EGF: variants seen among roughly 807,000 people sequenced by gnomAD.
EGF encodes epidermal growth factor.
A neutral mutation model predicts 143.8 loss-of-function variants in EGF; 95 were observed. That is an observed-to-expected ratio of 0.66 (90% CI 0.56 to 0.78). The LOEUF (loss-of-function observed/expected upper bound fraction) is 0.78, where lower values mean the gene tolerates loss of function less well. Among genes scored for constraint, EGF ranks in the 30% least tolerant of loss-of-function variants. The pLI, the probability that EGF is intolerant of heterozygous loss-of-function variation, is 0.00. For synonymous variants in EGF, 510 were observed against 510.5 expected (o/e 1.00, Z 0.01); for missense variants, 1,320 against 1,470.9 (o/e 0.90, Z 1.68).
At chr4:109,926,038 T>C (rs1738581222) in intron 1 of EGF, among the ~76,000 whole-genome samples, 1 of 152,176 alleles carries the variant, frequency 6.6e-6, no homozygotes. Flanking sequence ...ATCTTTGTCT[T>C]ACATACTTCC....
intron 5 of EGF, among the ~76,000 whole-genome samples, chr4:109,950,671 T>C (rs1339114376): frequency 6.6e-6 from 1 of 152,170 alleles, no homozygotes; most frequent in Admixed American, 6.5e-5. Context: ...CAAAGATGAC[T>C]TTCCTTTCAT....
chr4:109,959,426 A>G lies in EGF; in HGVS notation c.1055A>G (p.Lys352Arg). The change falls in exon 6 of 24, where the codon AAG becomes AGG. Residue 352 changes from lysine (K) to arginine (R), a missense_variant. Around this residue, in one of 5 missense-constraint regions of EGF, gnomAD observed 1,186 missense variants for 1,313.7 expected, o/e 0.90. Coordinates refer to ENST00000265171, the MANE Select transcript of EGF (RefSeq NM_001963.6). ...AEGYALSRDR[K>R]YCEDVNECAF... ...GGATACGCCCTAAGTCGAGACCGGA[A>G]GTACTGTGAAGGTAATGACTGGAAG... is the stretch of plus-strand genomic sequence containing the variant. The G allele has an allele frequency of 6.2e-7, 1 of 1,613,860 alleles. No homozygotes were observed. Among genetic ancestry groups the G allele is most frequent in the Non-Finnish European group, 8.5e-7 (1 of 1,179,816 alleles).
chr4:109,975,177 T>C (rs188354610), intron 12 of EGF, among the ~76,000 whole-genome samples: 74 of 152,320 alleles, frequency 4.9e-4, no homozygotes, highest in African/African-American at 1.7e-3. Context: ...ATATAGGTCA[T>C]TCCTAGATTT....
At chr4:109,944,294 C>G (rs1009588344) in intron 4 of EGF, among the ~76,000 whole-genome samples, 1 of 152,002 alleles carries the variant, frequency 6.6e-6, no homozygotes, top group African/African-American at 2.4e-5. Context: ...AAAAAATTAG[C>G]CGGGCGTGGT....
intron 5 of EGF, among the ~76,000 whole-genome samples, chr4:109,948,668 T>A (rs1348149912): frequency 6.6e-6 from 1 of 151,998 alleles, no homozygotes; most frequent in Non-Finnish European, 1.5e-5. Context: ...GTGTTTTTGG[T>A]AGAGGTGGGG....
Position 109,944,270 on chromosome 4 carries a change from T to A in EGF, c.737+201T>A, listed in dbSNP as rs538441341. ...CTGGCTAACACGGTGAAACCCCGTC[T>A]CTACTAAAAATACAAAAAATTAGCC... On this transcript the variant is annotated intron_variant, in intron 4 of 23. Coordinates refer to ENST00000265171, the MANE Select transcript of EGF (RefSeq NM_001963.6). 1.7e-3 allele frequency among the ~76,000 whole-genome samples: 253 copies of A among 152,280 alleles called. No individual in the cohort carries two copies. In the Middle Eastern group the frequency reaches 0.017, roughly 10 times the overall value.
At chr4:109,945,379 T>C (rs1742670997) in intron 5 of EGF, 104 bp downstream of exon 5, 10 of 1,028,428 alleles carry the variant, frequency 9.7e-6, no homozygotes, top group South Asian at 5.4e-5. Context: ...AATTTTTTTC[T>C]TCAACCCTCA....
At chr4:109,951,615 T>A (rs1426621911) in intron 5 of EGF, among the ~76,000 whole-genome samples, 1 of 152,204 alleles carries the variant, frequency 6.6e-6, no homozygotes, top group Admixed American at 6.5e-5. Flanking sequence ...GCTTTCCTTA[T>A]AATATCTCAC....
At chr4:109,959,968 G>A (rs1270305914) in intron 6 of EGF, among the ~76,000 whole-genome samples, 2 of 152,166 alleles carry the variant, frequency 1.3e-5, no homozygotes, top group Non-Finnish European at 2.9e-5. Flanking sequence ...CCTGGAAGGT[G>A]CAGTAGTTTA....
intron 5 of EGF, among the ~76,000 whole-genome samples, chr4:109,952,231 T>C (rs984113948): frequency 1.3e-5 from 2 of 152,244 alleles, no homozygotes; most frequent in African/African-American, 4.8e-5. Flanking sequence ...GATATTATGT[T>C]GTAAAAGGTC....
rs369137893 is a variant in EGF, at chr4:109,994,031, G to GTTT, written c.2857+673_2857+675dup. On this transcript the variant is annotated intron_variant, in intron 19 of 23. Coordinates refer to ENST00000265171, the MANE Select transcript of EGF (RefSeq NM_001963.6). ...AAAATTCTGTGCTTACTTGGTCTCT[G>GTTT]TTTTTTTTTTTTTAGCATATTATTT... Among the ~76,000 whole-genome samples, 695 of 140,814 alleles carry GTTT rather than the reference G, an allele frequency of 4.9e-3. 5 individuals are homozygous for GTTT. Among genetic ancestry groups the GTTT allele is most frequent in the African/African-American group, 0.016 (620 of 38,974 alleles). 92.4% of individuals were successfully genotyped at this position (140,814 alleles called of 152,430 possible).
intron 11 of EGF, among the ~76,000 whole-genome samples, chr4:109,972,568 A>G (rs1448813143): frequency 1.3e-5 from 2 of 152,196 alleles, no homozygotes; most frequent in South Asian, 2.1e-4. Flanking sequence ...GTGTCTGAGA[A>G]CAGAACTTGA....
At chr4:109,938,633 T>G (rs1312320803) in intron 1 of EGF, among the ~76,000 whole-genome samples, 1 of 152,232 alleles carries the variant, frequency 6.6e-6, no homozygotes, top group Admixed American at 6.5e-5. Flanking sequence ...TTGCTCTGGT[T>G]TCTTCCCATC....
chr4:109,996,080 C>T lies in EGF; in HGVS notation c.3005+1200C>T, dbSNP rs1013247816. Among the ~76,000 whole-genome samples the T allele has an allele frequency of 3.9e-5, 6 of 152,238 alleles. No individual in the cohort carries two copies. The East Asian group carries it at 1.2e-3, about 29-fold the overall frequency. On this transcript the variant is annotated intron_variant, in intron 20 of 23. Transcript: ENST00000265171. ...GTTTTGCCTGTTCATTGTTTCTGAT[C>T]ATCCCAAATAATGAAATTACAAAAA...
chr4:109,965,976 A>G (rs935890119), intron 10 of EGF, among the ~76,000 whole-genome samples: 5 of 151,970 alleles, frequency 3.3e-5, no homozygotes, highest in African/African-American at 1.2e-4. Flanking sequence ...ACACATGTGT[A>G]CTCACAGTTA....
intron 5 of EGF, among the ~76,000 whole-genome samples, chr4:109,951,761 C>G (rs957919242): frequency 1.3e-5 from 2 of 152,184 alleles, no homozygotes; most frequent in African/African-American, 4.8e-5. Flanking sequence ...TGAAACCAGA[C>G]AGACTGGTAA....
chr4:110,003,135 G>A (rs147672214), intron 21 of EGF, among the ~76,000 whole-genome samples: 68 of 152,246 alleles, frequency 4.5e-4, no homozygotes, highest in African/African-American at 1.6e-3. Flanking sequence ...TGACATCCAT[G>A]TGTCTTTATG....
chr4:109,981,361 G>A (rs1749330635), intron 15 of EGF, among the ~76,000 whole-genome samples: 1 of 152,138 alleles, frequency 6.6e-6, no homozygotes, highest in African/African-American at 2.4e-5. Context: ...CACATGACAG[G>A]TCTTAATAAG....
At chr4:109,957,708 C>A (rs142536442) in intron 5 of EGF, among the ~76,000 whole-genome samples, 50 of 152,308 alleles carry the variant, frequency 3.3e-4, no homozygotes, top group African/African-American at 1.2e-3. Flanking sequence ...TGATTTGTTT[C>A]CTGTGTCCTT....
Sources: gnomAD v4.1 joint callset for allele counts (sites outside exome capture counted in the v4.1 genomes callset) on GRCh38, gnomAD v4.1.1 for gene constraint, gnomAD v4.1.1 regional missense constraint, MANE v1.5 for transcripts, NCBI Gene and HGNC (gene_info 2026-07-23, HGNC 2026-07-21) for gene names.